Variants in ABCB5 observed in about 807,000 individuals in gnomAD.
ABCB5 encodes ATP binding cassette subfamily B member 5.
In ABCB5, 155 loss-of-function variants were observed where a neutral mutation model predicts 144.2. The observed-to-expected ratio is 1.08, with a 90% confidence interval of 0.94 to 1.23. The LOEUF (loss-of-function observed/expected upper bound fraction) is 1.23. ABCB5 is among the 50% of genes most tolerant of loss of function. The pLI is 0.00. For synonymous variants in ABCB5, 610 were observed against 528.6 expected, an observed-to-expected ratio of 1.15 and a Z score of -2.11; for missense variants, 1,830 against 1,520.8, an observed-to-expected ratio of 1.20 and a Z score of -3.38.
At chr7:20,619,394 G>C (rs1315441352) in intron 1 of ABCB5, among the ~76,000 whole-genome samples, 1 of 152,098 alleles carries the variant, frequency 6.6e-6, no homozygotes, top group Admixed American at 6.6e-5. Context: ...TTGGTGTGAA[G>C]TGGTATCTCA....
intron 7 of ABCB5, among the ~76,000 whole-genome samples, chr7:20,645,531 C>T (rs562725845): frequency 5.8e-4 from 88 of 152,282 alleles, no homozygotes; most frequent in African/African-American, 2.0e-3. Flanking sequence ...GAGAAAAGGG[C>T]ATGTGAAATC....
chr7:20,623,271 T>C lies in ABCB5; in HGVS notation c.-15T>C. 6.6e-7 allele frequency: 1 copy of C among 1,506,016 alleles called. No individual in the cohort carries two copies. The highest frequency in any genetic ancestry group is 9.0e-7 in the Non-Finnish European group (1 of 1,105,750). The allele number at this position is 1,506,016 out of a possible 1,614,324, so 93.3% of individuals were successfully genotyped here. On this transcript the variant is annotated 5_prime_UTR_variant, in exon 2 of 28. Coordinates refer to ENST00000404938, the MANE Select transcript of ABCB5 (RefSeq NM_001163941.2). ...TGTTAAAATTGTATTTCAGAAGAAG[T>C]AAATTGTAAATAAGATGGAAAATTC...
At chr7:20,665,766 G>GAA (rs764584750) in intron 14 of ABCB5, among the ~76,000 whole-genome samples, 2 of 131,318 alleles carry the variant, frequency 1.5e-5, no homozygotes, top group Admixed American at 8.2e-5. Flanking sequence ...TAGATAGATA[G>GAA]AGATACATAC....
intron 14 of ABCB5, among the ~76,000 whole-genome samples, chr7:20,662,849 T>C (rs531070288): frequency 7.2e-5 from 11 of 152,202 alleles, no homozygotes; most frequent in African/African-American, 2.2e-4. Context: ...CATAACTCTT[T>C]AGAGAAGTAT....
intron 13 of ABCB5, chr7:20,651,838 T>C (rs1192641104): frequency 1.8e-6 from 1 of 545,216 alleles, no homozygotes. Context: ...ATGAGATTTT[T>C]TTGTGATTTT....
At chr7:20,664,664 GA>G (rs1367234430) in intron 14 of ABCB5, among the ~76,000 whole-genome samples, 2 of 151,996 alleles carry the variant, frequency 1.3e-5, no homozygotes, top group South Asian at 2.1e-4. Context: ...TGCCCTTATG[GA>G]AAAAAATAAA....
rs1473863662 is a variant in ABCB5 at position 20,679,010 on chromosome 7, A to G, written c.1708-2495A>G. On this transcript the variant is annotated intron_variant, in intron 14 of 27. Coordinates refer to ENST00000404938, the MANE Select transcript of ABCB5 (RefSeq NM_001163941.2). The stretch of plus-strand genomic sequence containing the variant: ...ATATCACATCCAAATATGAAAGGCA[A>G]ATGACAAAGATTGTAAGGTAAAACA... Among the ~76,000 whole-genome samples the G allele has an allele frequency of 3.9e-5, 6 of 152,240 alleles. No homozygotes were observed. The East Asian group carries it at 1.2e-3, about 29-fold the overall frequency.
chr7:20,719,956 C>CA (rs1217432253), intron 20 of ABCB5, among the ~76,000 whole-genome samples: 1 of 151,924 alleles, frequency 6.6e-6, no homozygotes. Flanking sequence ...CACACACACA[C>CA]ACACACACAC....
intron 23 of ABCB5, among the ~76,000 whole-genome samples, chr7:20,729,172 A>T (rs1290004050): frequency 6.6e-6 from 1 of 152,210 alleles, no homozygotes; most frequent in Admixed American, 6.5e-5. Context: ...CTCTATAAGT[A>T]CAGCATAACT....
intron 14 of ABCB5, among the ~76,000 whole-genome samples, chr7:20,677,063 T>G (rs1398312240): frequency 6.6e-6 from 1 of 152,238 alleles, no homozygotes; most frequent in Non-Finnish European, 1.5e-5. Context: ...TCATGATATT[T>G]GTCAGATTAA....
At chr7:20,643,679 A>G in intron 7 of ABCB5, 47 bp downstream of exon 7, 1 of 1,593,330 alleles carries the variant, frequency 6.3e-7, no homozygotes, top group Non-Finnish European at 8.6e-7. Context: ...AGCAGTGTGG[A>G]CTAAATGACT....
At chr7:20,729,571 A>G (rs1289148620) in intron 23 of ABCB5, among the ~76,000 whole-genome samples, 1 of 152,246 alleles carries the variant, frequency 6.6e-6, no homozygotes, top group Non-Finnish European at 1.5e-5. Context: ...TTACCGGAAC[A>G]TCTAATGCAA....
chr7:20,728,524 C>T (rs548568169), intron 23 of ABCB5, 69 bp downstream of exon 23: 42 of 1,537,252 alleles, frequency 2.7e-5, no homozygotes, highest in African/African-American at 4.1e-5. Context: ...GAGGCTGAGG[C>T]GGGTGGATCA....
At chr7:20,722,382 CT>C (rs1781896311) in intron 20 of ABCB5, among the ~76,000 whole-genome samples, 1 of 152,156 alleles carries the variant, frequency 6.6e-6, no homozygotes, top group Non-Finnish European at 1.5e-5. Context: ...TCCTGCTAAA[CT>C]ATTTAAGGAG....
intron 26 of ABCB5, among the ~76,000 whole-genome samples, chr7:20,749,650 T>G (rs1414112429): frequency 6.6e-6 from 1 of 152,108 alleles, no homozygotes; most frequent in Non-Finnish European, 1.5e-5. Flanking sequence ...TTTAGGAATA[T>G]GAAGCCCAAT....
At chr7:20,635,994 A>T (rs1024731770) in intron 5 of ABCB5, among the ~76,000 whole-genome samples, 1 of 152,296 alleles carries the variant, frequency 6.6e-6, no homozygotes, top group South Asian at 2.1e-4. Context: ...ATTAATAATT[A>T]TATCTGGCTG....
intron 26 of ABCB5, among the ~76,000 whole-genome samples, chr7:20,752,045 CA>C (rs1209232083): frequency 6.6e-6 from 1 of 152,180 alleles, no homozygotes; most frequent in Non-Finnish European, 1.5e-5. Context: ...CAACTCTGTC[CA>C]AAATGCACTT....
intron 14 of ABCB5, chr7:20,667,480 T>C: frequency 2.0e-6 from 2 of 983,528 alleles, no homozygotes; most frequent in Non-Finnish European, 2.4e-6. Flanking sequence ...CTTTATATTC[T>C]GTCCTCTCAA....
rs192283437 is a variant in ABCB5, at chr7:20,721,583, T to C, written c.2422-1433T>C. 5.7e-4 allele frequency among the ~76,000 whole-genome samples: 87 copies of C among 152,324 alleles called. 1 individual carries two copies. Among genetic ancestry groups the C allele is most frequent in the African/African-American group, 1.9e-3 (78 of 41,576 alleles). On this transcript the variant is annotated intron_variant, in intron 20 of 27. Transcript: ENST00000404938. ...CCTGTCCATGTTGGTTTCCTTTCCA[T>C]AGCAACTCTTGCCTCTCCAACACAA...
Sources: gnomAD v4.1 joint callset for allele counts (sites outside exome capture counted in the v4.1 genomes callset) on GRCh38, gnomAD v4.1.1 for gene constraint, MANE v1.5 for transcripts, NCBI Gene and HGNC (gene_info 2026-07-23, HGNC 2026-07-21) for gene names.